Variants in CDH22 observed in about 807,000 individuals in gnomAD.
CDH22 encodes the protein cadherin 22.
Under a neutral mutation model 58.4 loss-of-function variants are expected in CDH22, and 30 were observed. The observed-to-expected ratio is 0.51, with a 90% confidence interval of 0.38 to 0.70. The LOEUF is 0.70. Among genes scored for constraint, CDH22 ranks in the 30% least tolerant of loss-of-function variants. CDH22 has a pLI of 0.00. For synonymous variants in CDH22, 513 were observed against 558.2 expected (o/e 0.92, Z 1.14); for missense variants, 1,014 against 1,233.9 (o/e 0.82, Z 2.67).
At chr20:46,190,341 G>A (rs186645551) in intron 8 of CDH22, among the ~76,000 whole-genome samples, 3 of 152,298 alleles carry the variant, frequency 2.0e-5, no homozygotes, top group Admixed American at 6.5e-5. Flanking sequence ...CAGCAGCAGA[G>A]CTGGGGTTGG....
chr20:46,236,814 C>G (rs1447614280), intron 3 of CDH22, among the ~76,000 whole-genome samples: 1 of 151,726 alleles, frequency 6.6e-6, no homozygotes, highest in Non-Finnish European at 1.5e-5. Context: ...GCCTCAGCCT[C>G]CCGAGTAGCT....
At chr20:46,276,631 T>A (rs1364177815) in intron 1 of CDH22, among the ~76,000 whole-genome samples, 1 of 152,190 alleles carries the variant, frequency 6.6e-6, no homozygotes, top group Non-Finnish European at 1.5e-5. Flanking sequence ...GGCATCCCCA[T>A]CTTACAGATG....
chr20:46,192,431 T>C (rs2085867308), intron 8 of CDH22, among the ~76,000 whole-genome samples: 1 of 152,132 alleles, frequency 6.6e-6, no homozygotes, highest in South Asian at 2.1e-4. Flanking sequence ...TCTTTCTCTG[T>C]CTCTTGACCA....
intron 11 of CDH22, among the ~76,000 whole-genome samples, chr20:46,177,024 G>A (rs566548304): frequency 1.3e-5 from 2 of 152,352 alleles, no homozygotes; most frequent in South Asian, 2.1e-4. Context: ...CATGGGCTAG[G>A]GTGGGGGGAG....
intron 1 of CDH22, among the ~76,000 whole-genome samples, chr20:46,253,793 G>A (rs549632695): frequency 1.3e-5 from 2 of 152,324 alleles, no homozygotes; most frequent in East Asian, 1.9e-4. Context: ...CAGCCCTGCA[G>A]GGATGCAGAG....
rs2086153717 is a variant in CDH22 at position 46,224,082 on chromosome 20, GC to G, written c.670+3425del. On this transcript the variant is annotated intron_variant, in intron 4 of 11. Transcript: ENST00000537909. The stretch of plus-strand genomic sequence containing the variant: ...TGGCCAGGCTGGTGTCAAACTCCTG[GC>G]CTCAAGTGATCCACCCGCTTCGGCC... 3.3e-5 allele frequency among the ~76,000 whole-genome samples: 5 copies of G among 152,072 alleles called. No homozygotes were observed. In the South Asian group the frequency reaches 1.0e-3, roughly 32 times the overall value.
chr20:46,308,000 G>A (rs1325791799), intron 1 of CDH22, among the ~76,000 whole-genome samples: 2 of 151,762 alleles, frequency 1.3e-5, no homozygotes, highest in Admixed American at 6.6e-5. Context: ...GGAGCTGCGG[G>A]CTTCGGGCCG....
chr20:46,286,598 G>A (rs1015755053), intron 1 of CDH22, among the ~76,000 whole-genome samples: 17 of 152,108 alleles, frequency 1.1e-4, no homozygotes, highest in South Asian at 2.1e-4. Context: ...CCGATCCGCC[G>A]ATCCCCCGAG....
chr20:46,204,966 C>T (rs1005465633), intron 7 of CDH22, among the ~76,000 whole-genome samples: 16 of 152,060 alleles, frequency 1.1e-4, no homozygotes, highest in Admixed American at 9.2e-4. Flanking sequence ...CATGAACATA[C>T]GAGCAGCTGA....
chr20:46,259,502 G>A (rs906308522), intron 1 of CDH22, among the ~76,000 whole-genome samples: 1 of 152,206 alleles, frequency 6.6e-6, no homozygotes, highest in African/African-American at 2.4e-5. Flanking sequence ...GCACATGCTC[G>A]CAGATGAGCA....
At chr20:46,187,009 C>CT (rs1375278082) in intron 8 of CDH22, 62 bp from the exon 9 acceptor site, 33 of 1,505,730 alleles carry the variant, frequency 2.2e-5, no homozygotes, top group African/African-American at 2.8e-5. Context: ...ATAGCCTCCT[C>CT]TCTACTATGA....
At chr20:46,201,821 C>G (rs1012321458) in intron 7 of CDH22, among the ~76,000 whole-genome samples, 3 of 152,074 alleles carry the variant, frequency 2.0e-5, no homozygotes, top group Admixed American at 1.3e-4. Flanking sequence ...GGCGAAAGTA[C>G]GTGGGGAGGT....
Position 46,210,163 on chromosome 20 carries a change from C to T in CDH22, c.1286+144G>A. On this transcript the variant is annotated intron_variant, in intron 7 of 11. Coordinates refer to ENST00000537909, the MANE Select transcript of CDH22 (RefSeq NM_021248.3). This position sits in a 1 kb window ranked among gnomAD's most constrained non-coding sequence, Gnocchi z 4.5. ...GTGCCTGTTTCTCTCCACCCGTGCG[C>T]CTCTCTCCGCGCCTCCCTCCCCCAC... 3 of 825,084 alleles carry T rather than the reference C, an allele frequency of 3.6e-6. No individual in the cohort carries two copies. Among genetic ancestry groups the T allele is most frequent in the Non-Finnish European group, 5.1e-6 (3 of 587,798 alleles). The allele number at this position is 825,084 out of a possible 1,614,324, so 51.1% of individuals were successfully genotyped here.
chr20:46,251,144 G>C lies in CDH22; in HGVS notation c.151C>G (p.Gln51Glu). The C allele has an allele frequency of 6.3e-7, 1 of 1,596,620 alleles. No individual in the cohort carries two copies. The highest frequency in any genetic ancestry group is 1.1e-5 in the South Asian group (1 of 90,100). Residue 51 changes from glutamine (Q) to glutamate (E), a missense_variant, in exon 2 of 12, where the codon CAG becomes GAG. Gln to Glu is a conservative substitution (Grantham distance 29). Coordinates refer to ENST00000537909, the MANE Select transcript of CDH22 (RefSeq NM_021248.3). The surrounding 1 kb of genome is among the most constrained non-coding windows in gnomAD (Gnocchi z 6.7). The stretch of plus-strand genomic sequence containing the variant: ...CGGCCGGCTCCCAGCGCGCCGTCCT[G>C]CCGAGCTCCGGGCGCCGACGGCGAG... ...TPSPSAPGAR[Q>E]DGALGAGRVK... is the part of the protein sequence containing the mutation.
At chr20:46,211,882 C>T (rs1457625683) in intron 6 of CDH22, among the ~76,000 whole-genome samples, 1 of 151,710 alleles carries the variant, frequency 6.6e-6, no homozygotes, top group Non-Finnish European at 1.5e-5. Context: ...GGAAAGTTAC[C>T]GAACTTCTTG....
At chr20:46,188,386 G>A (rs559027757) in intron 8 of CDH22, among the ~76,000 whole-genome samples, 59 of 152,164 alleles carry the variant, frequency 3.9e-4, no homozygotes, top group African/African-American at 1.3e-3. Flanking sequence ...CTGCAAAATC[G>A]GTCTAATATT....
At chr20:46,228,010 C>T (rs1250089983) in intron 3 of CDH22, among the ~76,000 whole-genome samples, 12 of 152,216 alleles carry the variant, frequency 7.9e-5, no homozygotes, top group Non-Finnish European at 1.8e-4. Context: ...GAGCTGTTCA[C>T]AGAAGTTTCT....
rs957655912 is a variant in CDH22, at chr20:46,175,210, G to A, written c.1916-133C>T. On this transcript the variant is annotated intron_variant, in intron 11 of 11. Transcript: ENST00000537909. The stretch of plus-strand genomic sequence containing the variant: ...CCTCAACATTCCTACAGATTTCCTG[G>A]ATTTCTGTTCAAAAAGCCATTCTTG... The A allele has an allele frequency of 1.2e-5, 10 of 860,620 alleles. No homozygotes were observed. In the Admixed American group the frequency reaches 1.4e-4, roughly 12 times the overall value. The allele number at this position is 860,620 out of a possible 1,614,324, so 53.3% of individuals were successfully genotyped here.
chr20:46,194,344 T>A (rs893780073), intron 8 of CDH22, among the ~76,000 whole-genome samples: 1 of 152,210 alleles, frequency 6.6e-6, no homozygotes, highest in African/African-American at 2.4e-5. Flanking sequence ...TCTCTGCTGC[T>A]CAGACCCCAC....
Sources: gnomAD v4.1 joint callset for allele counts (sites outside exome capture counted in the v4.1 genomes callset) on GRCh38, gnomAD v4.1.1 for gene constraint, Gnocchi (gnomAD v3.1) non-coding constraint, MANE v1.5 for transcripts, NCBI Gene and HGNC (gene_info 2026-07-23, HGNC 2026-07-21) for gene names.